Variants in KIF20B observed in about 807,000 individuals in gnomAD.
KIF20B encodes kinesin-like protein KIF20B.
In KIF20B, 188 loss-of-function variants were observed where a neutral mutation model predicts 232.5. The observed-to-expected ratio is 0.81, with a 90% CI of 0.72 to 0.91. The LOEUF (loss-of-function observed/expected upper bound fraction) is 0.91. Ranked by LOEUF, KIF20B falls within the 40% of genes least tolerant of loss-of-function variation. KIF20B has a pLI of 0.00. For synonymous variants in KIF20B, 712 were observed against 683.0 expected (o/e 1.04, Z -0.66); for missense variants, 2,154 against 2,055.9 (o/e 1.05, Z -0.92).
At chr10:89,756,099 G>C (rs1019258707) in intron 26 of KIF20B, among the ~76,000 whole-genome samples, 1 of 152,106 alleles carries the variant, frequency 6.6e-6, no homozygotes, top group Non-Finnish European at 1.5e-5. Flanking sequence ...TCAAGCCCTT[G>C]GTTGAAGTGT....
rs1281732970 is a variant in KIF20B, at chr10:89,716,426, T to G, written c.941-10T>G. The G allele has an allele frequency of 8.4e-7, 1 of 1,188,350 alleles. No homozygotes were observed. The highest frequency in any genetic ancestry group is 1.3e-5 in the South Asian group (1 of 75,062). 73.6% of individuals were successfully genotyped at this position (1,188,350 alleles called of 1,614,324 possible). On this transcript the variant is annotated splice_polypyrimidine_tract_variant and intron_variant, in intron 8 of 32. Transcript: ENST00000371728. Reference sequence around the variant, plus strand: ...AATAAATTAATATATATCCTCTTTATTTTTTAAAGATCTACAATGGATTCA... The same window carrying G: ...AATAAATTAATATATATCCTCTTTAGTTTTTAAAGATCTACAATGGATTCA...
At chr10:89,711,576 T>C (rs1842838082) in intron 6 of KIF20B, among the ~76,000 whole-genome samples, 1 of 152,044 alleles carries the variant, frequency 6.6e-6, no homozygotes, top group Non-Finnish European at 1.5e-5. Context: ...TTTCTCTCTC[T>C]ATATAAAATC....
chr10:89,749,341 C>A (rs551200544), intron 23 of KIF20B, among the ~76,000 whole-genome samples: 1 of 152,126 alleles, frequency 6.6e-6, no homozygotes, highest in Non-Finnish European at 1.5e-5. Flanking sequence ...CTTTCACTTA[C>A]CTATCTTTAA....
At chr10:89,740,914 T>C (rs138570279) in intron 21 of KIF20B, among the ~76,000 whole-genome samples, 57 of 152,352 alleles carry the variant, frequency 3.7e-4, no homozygotes, top group African/African-American at 1.3e-3. Flanking sequence ...CCCCAGCCTT[T>C]TTGGTACCAG....
chr10:89,711,273 G>A (rs956136616), intron 6 of KIF20B, 128 bp downstream of exon 6: 16 of 525,092 alleles, frequency 3.0e-5, no homozygotes, highest in Non-Finnish European at 4.7e-5. Context: ...TTATGTTTTC[G>A]AGAAAAATAA....
chr10:89,713,134 C>T (rs1842866382), intron 6 of KIF20B, among the ~76,000 whole-genome samples: 1 of 151,962 alleles, frequency 6.6e-6, no homozygotes, highest in Non-Finnish European at 1.5e-5. Flanking sequence ...CTGAAGCAGG[C>T]TGATCACTTG....
intron 27 of KIF20B, 131 bp from the exon 28 acceptor site, chr10:89,760,395 A>G (rs1263543354): frequency 1.6e-6 from 1 of 610,078 alleles, no homozygotes; most frequent in Non-Finnish European, 2.9e-6. Flanking sequence ...TGGTAATTAA[A>G]GGTGTCTTTA....
intron 1 of KIF20B, among the ~76,000 whole-genome samples, chr10:89,703,738 C>A (rs995377662): frequency 2.7e-5 from 4 of 147,600 alleles, no homozygotes; most frequent in Non-Finnish European, 5.9e-5. Flanking sequence ...GACTTTGGCG[C>A]CCCAGCAGGC....
chr10:89,757,852 T>A (rs1274137845), intron 26 of KIF20B, among the ~76,000 whole-genome samples: 1 of 151,818 alleles, frequency 6.6e-6, no homozygotes, highest in Non-Finnish European at 1.5e-5. Flanking sequence ...TTCATTTGGT[T>A]ATTCTGTTGT....
At chr10:89,725,191 T>A (rs1371593576) in intron 15 of KIF20B, 33 bp downstream of exon 15, 7 of 1,606,502 alleles carry the variant, frequency 4.4e-6, no homozygotes, top group Non-Finnish European at 6.0e-6. Flanking sequence ...AAATATCCAG[T>A]GAGGTTTTGG....
At chr10:89,703,422 C>A (rs1479798850) in intron 1 of KIF20B, among the ~76,000 whole-genome samples, 1 of 152,126 alleles carries the variant, frequency 6.6e-6, no homozygotes, top group Non-Finnish European at 1.5e-5. Context: ...CAGTTTGGGA[C>A]CTTTTCTAGA....
chr10:89,745,314 G>A (rs930475272), intron 22 of KIF20B, among the ~76,000 whole-genome samples: 3 of 152,146 alleles, frequency 2.0e-5, no homozygotes, highest in Non-Finnish European at 4.4e-5. Flanking sequence ...CACAAGGTCA[G>A]GAGATCGAGA....
At chr10:89,705,708 T>A (rs1175391858) in intron 2 of KIF20B, among the ~76,000 whole-genome samples, 1 of 152,252 alleles carries the variant, frequency 6.6e-6, no homozygotes, top group Non-Finnish European at 1.5e-5. Flanking sequence ...ACATCCGTTG[T>A]GGCACTATAA....
At chr10:89,702,934 T>A (rs1018645011) in intron 1 of KIF20B, among the ~76,000 whole-genome samples, 6 of 152,196 alleles carry the variant, frequency 3.9e-5, no homozygotes, top group Non-Finnish European at 7.4e-5. Context: ...TAAGTAGAAG[T>A]CATCTAAAAT....
At chr10:89,703,179 T>C (rs1842647510) in intron 1 of KIF20B, among the ~76,000 whole-genome samples, 1 of 152,228 alleles carries the variant, frequency 6.6e-6, no homozygotes, top group Non-Finnish European at 1.5e-5. Flanking sequence ...CTCTGTGTTA[T>C]GAAATGTCAG....
intron 31 of KIF20B, among the ~76,000 whole-genome samples, chr10:89,771,074 C>G (rs1241090400): frequency 6.6e-6 from 1 of 151,896 alleles, no homozygotes; most frequent in Non-Finnish European, 1.5e-5. Flanking sequence ...TTTTCCTGTG[C>G]TTTCTTTTAT....
chr10:89,726,672 G>A (rs1843194170), intron 16 of KIF20B, 151 bp downstream of exon 16: 1 of 623,074 alleles, frequency 1.6e-6, no homozygotes, highest in Non-Finnish European at 2.4e-6. Flanking sequence ...CCATTTGTAT[G>A]ACTTTGTAGT....
At chr10:89,773,200 A>G (rs1168085865) in intron 32 of KIF20B, among the ~76,000 whole-genome samples, 2 of 151,828 alleles carry the variant, frequency 1.3e-5, no homozygotes, top group Non-Finnish European at 2.9e-5. Flanking sequence ...ACATTCAGCC[A>G]TTTCCTCCCA....
chr10:89,757,905 A>AT (rs972384965), intron 26 of KIF20B, among the ~76,000 whole-genome samples: 1 of 150,170 alleles, frequency 6.7e-6, no homozygotes, highest in Non-Finnish European at 1.5e-5. Flanking sequence ...CTTTTATTTA[A>AT]TTTTTTTGCC....
Sources: allele counts gnomAD v4.1 joint callset (sites outside exome capture counted in the v4.1 genomes callset), GRCh38; gene constraint gnomAD v4.1.1; transcripts MANE v1.5; gene names NCBI Gene and HGNC (gene_info 2026-07-23, HGNC 2026-07-21).